SNTG1: variants seen among roughly 807,000 people sequenced by gnomAD.
SNTG1 encodes syntrophin gamma 1, also known as gamma-1-syntrophin.
Under a neutral mutation model 74.7 loss-of-function variants are expected in SNTG1, and 39 were observed. The observed-to-expected ratio is 0.52, with a 90% CI of 0.40 to 0.68. The LOEUF (loss-of-function observed/expected upper bound fraction) is 0.68. SNTG1 is among the 30% of genes least tolerant of loss of function. The pLI is 0.00. For synonymous variants in SNTG1, 254 were observed against 217.1 expected, an observed-to-expected ratio of 1.17 and a Z score of -1.49; for missense variants, 685 against 609.5, an observed-to-expected ratio of 1.12 and a Z score of -1.30.
intron 1 of SNTG1, among the ~76,000 whole-genome samples, chr8:50,126,542 T>C (rs930956230): frequency 2.0e-5 from 3 of 152,052 alleles, no homozygotes; most frequent in Non-Finnish European, 4.4e-5. Flanking sequence ...GATAGAGATT[T>C]ACAATCACCA....
intron 1 of SNTG1, among the ~76,000 whole-genome samples, chr8:50,030,730 A>G (rs937876700): frequency 6.6e-6 from 1 of 152,024 alleles, no homozygotes; most frequent in Non-Finnish European, 1.5e-5. Context: ...CCAACACCAC[A>G]AAATCCTGAT....
chr8:50,487,077 A>T (rs1015238115), intron 8 of SNTG1, among the ~76,000 whole-genome samples: 7 of 152,232 alleles, frequency 4.6e-5, no homozygotes, highest in Admixed American at 1.3e-4. Flanking sequence ...GCCAAAAAAC[A>T]CATGAAAAAA....
chr8:50,361,053 A>T (rs1316416111), intron 2 of SNTG1, among the ~76,000 whole-genome samples: 1 of 152,230 alleles, frequency 6.6e-6, no homozygotes, highest in East Asian at 1.9e-4. Context: ...CTTAAAACAC[A>T]AACATTTACA....
At chr8:50,107,885 A>C (rs2131284367) in intron 1 of SNTG1, among the ~76,000 whole-genome samples, 1 of 152,252 alleles carries the variant, frequency 6.6e-6, no homozygotes. Context: ...CGAATCACTA[A>C]GTGTTGTAAG....
intron 3 of SNTG1, among the ~76,000 whole-genome samples, chr8:50,399,756 CTT>C (rs927444589): frequency 1.3e-5 from 2 of 151,572 alleles, no homozygotes; most frequent in South Asian, 2.1e-4. Flanking sequence ...GCATGAGTGA[CTT>C]TGTGTAAAAA....
chr8:50,762,534 C>T, intron 18 of SNTG1: 1 of 376,418 alleles, frequency 2.7e-6, no homozygotes, highest in Non-Finnish European at 5.2e-6. Context: ...GCCCTTTCTA[C>T]CTTCTTAATG....
chr8:50,495,068 A>T (rs1217336771), intron 8 of SNTG1, among the ~76,000 whole-genome samples: 1 of 152,048 alleles, frequency 6.6e-6, no homozygotes, highest in East Asian at 1.9e-4. Context: ...TTAGGCTGAA[A>T]TTTTAGGAAT....
At chr8:50,214,057 T>G (rs2131933490) in intron 2 of SNTG1, among the ~76,000 whole-genome samples, 1 of 152,008 alleles carries the variant, frequency 6.6e-6, no homozygotes, top group Admixed American at 6.6e-5. Context: ...GTTTTTATGG[T>G]TTAAGGTCTA....
chr8:49,984,710 A>G (rs1237899670), intron 1 of SNTG1, among the ~76,000 whole-genome samples: 1 of 152,312 alleles, frequency 6.6e-6, no homozygotes, highest in South Asian at 2.1e-4. Context: ...AAGTAAGTTG[A>G]AGAATCGATA....
At position 50,622,389 on chromosome 8, in the gene SNTG1, C is replaced by T. The variant is rs2094929009; in HGVS notation, c.849+31472C>T. Reference sequence around the variant, plus strand: ...GAAACAGTTAATGTTTAATAACATACTTTGATAATAATCTGTAGGTTTTTT... The same window carrying T: ...GAAACAGTTAATGTTTAATAACATATTTTGATAATAATCTGTAGGTTTTTT... On this transcript the variant is annotated intron_variant, in intron 13 of 18. Coordinates refer to ENST00000642720, the MANE Select transcript of SNTG1 (RefSeq NM_018967.5). Among the ~76,000 whole-genome samples the T allele has an allele frequency of 3.9e-5, 6 of 152,162 alleles. No homozygotes were observed. The South Asian group carries it at 1.2e-3, about 32-fold the overall frequency.
intron 15 of SNTG1, among the ~76,000 whole-genome samples, chr8:50,697,009 A>T (rs2095407592): frequency 6.6e-6 from 1 of 152,104 alleles, no homozygotes; most frequent in East Asian, 1.9e-4. Flanking sequence ...TAGACATTGC[A>T]TTGAAATTGT....
intron 1 of SNTG1, among the ~76,000 whole-genome samples, chr8:50,131,154 G>A (rs1368160104): frequency 1.3e-5 from 2 of 152,022 alleles, no homozygotes; most frequent in African/African-American, 4.8e-5. Context: ...TGTAAAATAT[G>A]TGTATTATAA....
At chr8:50,627,961 C>T (rs1378942289) in intron 13 of SNTG1, among the ~76,000 whole-genome samples, 1 of 152,080 alleles carries the variant, frequency 6.6e-6, no homozygotes. Context: ...ACCTTCAGCC[C>T]CTCTCTCCTC....
chr8:49,983,226 C>T (rs1242766135), intron 1 of SNTG1, among the ~76,000 whole-genome samples: 1 of 152,114 alleles, frequency 6.6e-6, no homozygotes, highest in African/African-American at 2.4e-5. Flanking sequence ...AAAGGAAAAA[C>T]ATTAACATAG....
At chr8:50,176,764 C>A (rs2083013843) in intron 2 of SNTG1, among the ~76,000 whole-genome samples, 1 of 152,174 alleles carries the variant, frequency 6.6e-6, no homozygotes, top group East Asian at 1.9e-4. Flanking sequence ...TTCTGTAGCT[C>A]CATTTTGTTC....
intron 1 of SNTG1, among the ~76,000 whole-genome samples, chr8:50,126,889 G>T: frequency 6.6e-6 from 1 of 152,118 alleles, no homozygotes; most frequent in East Asian, 1.9e-4. Flanking sequence ...GTGAGTACCA[G>T]GTTCCACAAA....
chr8:50,148,048 AACTC>A (rs1408290227), intron 1 of SNTG1, among the ~76,000 whole-genome samples: 2 of 152,202 alleles, frequency 1.3e-5, no homozygotes, highest in African/African-American at 4.8e-5. Context: ...AATCTGAAAG[AACTC>A]ACAACAGCCA....
At chr8:50,096,881 G>GA (rs920668687) in intron 1 of SNTG1, among the ~76,000 whole-genome samples, 13 of 152,144 alleles carry the variant, frequency 8.5e-5, no homozygotes, top group Middle Eastern at 3.4e-3. Flanking sequence ...ATCTGAGTAT[G>GA]AAAAAAATAG....
At chr8:50,452,124 T>C (rs535798905) in intron 8 of SNTG1, among the ~76,000 whole-genome samples, 1 of 149,734 alleles carries the variant, frequency 6.7e-6, no homozygotes, top group Admixed American at 6.7e-5. Context: ...CGAAGGAGGG[T>C]TTTTAATTAG....
Sources: gnomAD v4.1 joint callset for allele counts (sites outside exome capture counted in the v4.1 genomes callset) on GRCh38, gnomAD v4.1.1 for gene constraint, MANE v1.5 for transcripts, NCBI Gene and HGNC (gene_info 2026-07-23, HGNC 2026-07-21) for gene names.